The following NELL2 variants were observed in gnomAD, a reference collection of about 807,000 sequenced individuals.
NELL2 encodes the protein neural EGFL like 2.
Under a neutral mutation model 109.6 loss-of-function variants are expected in NELL2, and 41 were observed. The ratio of observed to expected loss-of-function variants is 0.37; its 90% CI spans 0.29 to 0.49. NELL2 has a LOEUF of 0.49. Ranked by LOEUF, NELL2 falls within the 20% of genes least tolerant of loss-of-function variation. NELL2 has a pLI of 0.98. For synonymous variants in NELL2, 355 were observed against 344.7 expected, an observed-to-expected ratio of 1.03 and a Z score of -0.33; for missense variants, 900 against 1,008.3, an observed-to-expected ratio of 0.89 and a Z score of 1.45.
At chr12:44,538,126 G>A (rs1363010429) in intron 15 of NELL2, among the ~76,000 whole-genome samples, 2 of 152,132 alleles carry the variant, frequency 1.3e-5, no homozygotes, top group East Asian at 1.9e-4. Context: ...AGACAAGAAG[G>A]TGGTGACAGC....
chr12:44,785,135 T>C (rs1220048890), intron 3 of NELL2, among the ~76,000 whole-genome samples: 1 of 152,182 alleles, frequency 6.6e-6, no homozygotes, highest in Non-Finnish European at 1.5e-5. Context: ...GAAAACCCCA[T>C]CATCTTGGCC....
intron 19 of NELL2, among the ~76,000 whole-genome samples, chr12:44,511,813 T>TA (rs1403345469): frequency 6.6e-6 from 1 of 152,032 alleles, no homozygotes; most frequent in African/African-American, 2.4e-5. Flanking sequence ...TCACCACCTA[T>TA]AAAAAATCAA....
rs868867282 is a variant in NELL2 at position 44,875,069 on chromosome 12, G to A, written c.184+156C>T. 56 of 995,386 alleles carry A rather than the reference G, an allele frequency of 5.6e-5. No homozygotes were observed. The Middle Eastern group carries it at 2.6e-3, about 47-fold the overall frequency. The allele number at this position is 995,386 out of a possible 1,614,324, so 61.7% of individuals were successfully genotyped here. On this transcript the variant is annotated intron_variant, in intron 2 of 19. Transcript: ENST00000429094. ...GCAGGGGAGAAAAAACCACTTAAAAGAGATAGGGATATGTGTCTCACACTG... is the reference window on the plus strand; with the variant it reads ...GCAGGGGAGAAAAAACCACTTAAAAAAGATAGGGATATGTGTCTCACACTG...
intron 15 of NELL2, among the ~76,000 whole-genome samples, chr12:44,564,523 T>C (rs1455757940): frequency 6.6e-6 from 1 of 152,218 alleles, no homozygotes; most frequent in Non-Finnish European, 1.5e-5. Flanking sequence ...TGCAGCATGC[T>C]AGGCACTAGG....
intron 9 of NELL2, among the ~76,000 whole-genome samples, chr12:44,764,008 C>T (rs1941229233): frequency 6.6e-6 from 1 of 152,142 alleles, no homozygotes; most frequent in East Asian, 1.9e-4. Flanking sequence ...TTTTATGGGA[C>T]TACCCCAAGC....
chr12:44,654,971 T>C (rs1024726937), intron 13 of NELL2, among the ~76,000 whole-genome samples: 4 of 152,162 alleles, frequency 2.6e-5, no homozygotes, highest in East Asian at 1.9e-4. Context: ...AAGGCATCTG[T>C]TGAGCTTCAA....
At chr12:44,523,518 T>A (rs1350692936) in intron 16 of NELL2, 34 bp from the exon 17 acceptor site, 1 of 1,593,618 alleles carries the variant, frequency 6.3e-7, no homozygotes, top group Non-Finnish European at 8.6e-7. Flanking sequence ...TCAATGTGCT[T>A]AGAATATGTG....
At chr12:44,687,594 G>A (rs1465055322) in intron 12 of NELL2, among the ~76,000 whole-genome samples, 1 of 152,094 alleles carries the variant, frequency 6.6e-6, no homozygotes, top group Non-Finnish European at 1.5e-5. Context: ...AAAGCTAATG[G>A]ATAGAGGAAG....
In NELL2 at chr12:44,714,692, T is replaced by C; in HGVS notation, c.1044A>G (p.Thr348=). Residue 348 remains threonine (T), a synonymous_variant, in exon 10 of 20, where the codon ACA becomes ACG. Coordinates refer to ENST00000429094, the MANE Select transcript of NELL2 (RefSeq NM_001145108.2). ...GRTYFEGERN[T]VYSSSGVCVL... ...CACATACTCCAGAAGAGGAATAGAC[T>C]GTATTTCTTTCTCCTTCAAAGTAGG... 6.2e-7 allele frequency: 1 copy of C among 1,604,368 alleles called. No individual in the cohort carries two copies. Among genetic ancestry groups the C allele is most frequent in the Non-Finnish European group, 8.5e-7 (1 of 1,176,254 alleles).
intron 12 of NELL2, among the ~76,000 whole-genome samples, chr12:44,702,248 G>A (rs894552486): frequency 5.9e-5 from 9 of 151,780 alleles, no homozygotes; most frequent in Non-Finnish European, 1.2e-4. Flanking sequence ...TAGTTCTATA[G>A]TCACCCACTA....
chr12:44,779,457 A>G (rs1941872515), intron 5 of NELL2, among the ~76,000 whole-genome samples: 1 of 152,092 alleles, frequency 6.6e-6, no homozygotes, highest in African/African-American at 2.4e-5. Context: ...CATTTCTGTA[A>G]TATCTAACAA....
chr12:44,588,695 C>T (rs1397382806), intron 15 of NELL2, among the ~76,000 whole-genome samples: 1 of 152,048 alleles, frequency 6.6e-6, no homozygotes, highest in Non-Finnish European at 1.5e-5. Context: ...TAAAATGTTC[C>T]ATATTTTAAC....
chr12:44,663,120 G>A (rs1056469991), intron 13 of NELL2, among the ~76,000 whole-genome samples: 11 of 152,200 alleles, frequency 7.2e-5, no homozygotes, highest in African/African-American at 2.2e-4. Flanking sequence ...CATTAGGGGA[G>A]TAATTTCTTT....
intron 9 of NELL2, among the ~76,000 whole-genome samples, chr12:44,764,986 A>G (rs1244576000): frequency 6.6e-6 from 1 of 152,160 alleles, no homozygotes; most frequent in Non-Finnish European, 1.5e-5. Flanking sequence ...TTAGAAATGC[A>G]AACTTACAGG....
At chr12:44,593,393 T>C (rs553301930) in intron 15 of NELL2, among the ~76,000 whole-genome samples, 4 of 152,186 alleles carry the variant, frequency 2.6e-5, no homozygotes, top group South Asian at 2.1e-4. Flanking sequence ...TAAAAGCTCA[T>C]GGGTGTGAGA....
intron 12 of NELL2, among the ~76,000 whole-genome samples, chr12:44,687,953 A>C (rs1330846082): frequency 6.6e-6 from 1 of 152,214 alleles, no homozygotes; most frequent in Non-Finnish European, 1.5e-5. Flanking sequence ...AGATACCTGC[A>C]ACTAATTTGT....
chr12:44,832,938 A>G (rs1230470816), intron 2 of NELL2, among the ~76,000 whole-genome samples: 1 of 152,190 alleles, frequency 6.6e-6, no homozygotes, highest in Non-Finnish European at 1.5e-5. Flanking sequence ...GTACAATGGT[A>G]ATAGTGTGGT....
chr12:44,539,284 C>T (rs1295336479), intron 15 of NELL2, among the ~76,000 whole-genome samples: 1 of 152,034 alleles, frequency 6.6e-6, no homozygotes. Flanking sequence ...TTTGTCCTTC[C>T]AAATAAATTT....
intron 9 of NELL2, among the ~76,000 whole-genome samples, chr12:44,731,943 G>A (rs1684678534): frequency 6.6e-6 from 1 of 151,766 alleles, no homozygotes; most frequent in African/African-American, 2.4e-5. Context: ...GGAAAAATAG[G>A]AAAAGGAAAT....
Sources: gnomAD v4.1 joint callset for allele counts (sites outside exome capture counted in the v4.1 genomes callset) on GRCh38, gnomAD v4.1.1 for gene constraint, MANE v1.5 for transcripts, NCBI Gene and HGNC (gene_info 2026-07-23, HGNC 2026-07-21) for gene names.